The following ATP2B2 variants were observed in gnomAD, a reference collection of about 807,000 sequenced individuals.
The protein encoded by ATP2B2 is plasma membrane calcium-transporting ATPase 2.
In ATP2B2, 15 loss-of-function variants were observed where a neutral mutation model predicts 120.0. The observed-to-expected ratio is 0.12, with a 90% CI of 0.08 to 0.19. The LOEUF (loss-of-function observed/expected upper bound fraction) is 0.19. ATP2B2 is among the 10% of genes least tolerant of loss of function. The pLI is 1.00. For synonymous variants in ATP2B2, 694 were observed against 700.3 expected, an observed-to-expected ratio of 0.99 and a Z score of 0.14; for missense variants, 1,045 against 1,719.8, an observed-to-expected ratio of 0.61 and a Z score of 6.94.
intron 1 of ATP2B2, among the ~76,000 whole-genome samples, chr3:10,463,426 T>C (rs1485341668): frequency 2.0e-5 from 3 of 152,246 alleles, no homozygotes; most frequent in African/African-American, 7.2e-5. Context: ...GAATAACTTA[T>C]GCCAAATGCA....
intron 1 of ATP2B2, among the ~76,000 whole-genome samples, chr3:10,640,014 C>A (rs1352961433): frequency 1.3e-5 from 2 of 152,080 alleles, no homozygotes; most frequent in Admixed American, 6.5e-5. Flanking sequence ...TGTTTTTGCA[C>A]TGAAAGTCTA....
intron 2 of ATP2B2, among the ~76,000 whole-genome samples, chr3:10,542,428 T>G (rs73028965): frequency 6.6e-6 from 1 of 152,186 alleles, no homozygotes; most frequent in East Asian, 1.9e-4. Context: ...ATATTTTTGC[T>G]TATCATGTTC....
chr3:10,614,751 CTT>C (rs1484294580), intron 2 of ATP2B2, among the ~76,000 whole-genome samples: 4 of 152,136 alleles, frequency 2.6e-5, no homozygotes, highest in African/African-American at 9.7e-5. Flanking sequence ...GCCCACAGGA[CTT>C]TATTTGGTTG....
rs1157630003 is a variant in ATP2B2 at position 10,379,390 on chromosome 3, G to A, written c.1001-106C>T. ...ACATTAATGTCACAGATGAAGGGCG[G>A]GCCGTGCTGACTGCATCCCTCTGTG... On this transcript the variant is annotated intron_variant, in intron 8 of 22. Transcript: ENST00000360273. 4.2e-5 allele frequency: 55 copies of A among 1,302,870 alleles called. No individual in the cohort carries two copies. In the Admixed American group the frequency reaches 9.4e-4, roughly 22 times the overall value. 80.7% of individuals were successfully genotyped at this position (1,302,870 alleles called of 1,614,324 possible). A position where few individuals can be genotyped will look rare whatever the true frequency, so the allele number is the denominator to read the frequency against.
At chr3:10,528,487 A>G (rs2067145725) in intron 3 of ATP2B2, among the ~76,000 whole-genome samples, 1 of 152,180 alleles carries the variant, frequency 6.6e-6, no homozygotes, top group South Asian at 2.1e-4. Context: ...TCATAGAGAA[A>G]CAGGAAGAAA....
At chr3:10,628,669 T>A (rs541702967) in intron 1 of ATP2B2, among the ~76,000 whole-genome samples, 28 of 152,354 alleles carry the variant, frequency 1.8e-4, no homozygotes, top group Non-Finnish European at 3.5e-4. Flanking sequence ...TCATAGCAAC[T>A]GCCACGGTGG....
intron 2 of ATP2B2, among the ~76,000 whole-genome samples, chr3:10,563,019 C>T (rs902099492): frequency 1.3e-5 from 2 of 152,142 alleles, no homozygotes; most frequent in Non-Finnish European, 1.5e-5. Flanking sequence ...TTCTGATTCC[C>T]TAGTTAATTT....
At chr3:10,489,382 G>A (rs376424522) in intron 1 of ATP2B2, among the ~76,000 whole-genome samples, 54 of 152,334 alleles carry the variant, frequency 3.5e-4, no homozygotes, top group East Asian at 9.6e-4. Flanking sequence ...CCCAGACAGC[G>A]TTTGCTAAAT....
chr3:10,449,312 C>G (rs773124454), intron 2 of ATP2B2, 33 bp downstream of exon 2: 77 of 1,613,270 alleles, frequency 4.8e-5, no homozygotes, highest in Non-Finnish European at 6.4e-5. Flanking sequence ...GCCACCTAGG[C>G]TGCAGCCCTG....
chr3:10,410,589 G>C, intron 3 of ATP2B2, 29 bp downstream of exon 3: 1 of 1,577,422 alleles, frequency 6.3e-7, no homozygotes, highest in Non-Finnish European at 8.6e-7. Context: ...GGTGTGCGGG[G>C]CGGTTCGTGG....
chr3:10,508,138 A>G (rs573910186), upstream of ATP2B2, among the ~76,000 whole-genome samples: 1 of 152,228 alleles, frequency 6.6e-6, no homozygotes, highest in South Asian at 2.1e-4. Flanking sequence ...CATCTCCTTG[A>G]CATTCCAGAT....
chr3:10,469,684 C>T (rs566265471), intron 1 of ATP2B2, among the ~76,000 whole-genome samples: 5 of 152,320 alleles, frequency 3.3e-5, no homozygotes, highest in Non-Finnish European at 5.9e-5. Flanking sequence ...AGCCTGACCA[C>T]GTGCTCCATC....
intron 2 of ATP2B2, among the ~76,000 whole-genome samples, chr3:10,566,863 T>G (rs1476943518): frequency 6.6e-6 from 1 of 152,170 alleles, no homozygotes; most frequent in African/African-American, 2.4e-5. Context: ...TTCCTGGAAA[T>G]TTCAGGATAT....
chr3:10,569,142 G>A (rs116788223), intron 2 of ATP2B2, among the ~76,000 whole-genome samples: 6 of 152,280 alleles, frequency 3.9e-5, no homozygotes, highest in South Asian at 2.1e-4. Flanking sequence ...AGAGCCAAGC[G>A]TCAAGTCCTT....
chr3:10,659,127 C>T (rs1204969527), intron 1 of ATP2B2, among the ~76,000 whole-genome samples: 1 of 152,120 alleles, frequency 6.6e-6, no homozygotes, highest in African/African-American at 2.4e-5. Flanking sequence ...CTGGTTCCAG[C>T]CACTGCAAAA....
intron 1 of ATP2B2, among the ~76,000 whole-genome samples, chr3:10,705,922 C>CA (rs1370348135): frequency 2.0e-5 from 3 of 152,184 alleles, no homozygotes; most frequent in African/African-American, 7.2e-5. Context: ...GTTTGGATGA[C>CA]AAACTATATA....
chr3:10,386,261 G>A (rs2061675921), intron 7 of ATP2B2, among the ~76,000 whole-genome samples: 1 of 152,146 alleles, frequency 6.6e-6, no homozygotes, highest in African/African-American at 2.4e-5. Flanking sequence ...TTGGCTGGTA[G>A]GGTGAGGCAC....
chr3:10,377,423 T>C (rs2061411860), intron 10 of ATP2B2, among the ~76,000 whole-genome samples: 1 of 152,226 alleles, frequency 6.6e-6, no homozygotes, highest in Admixed American at 6.5e-5. Context: ...TTCCCCATGC[T>C]GTGGTGTCTA....
At chr3:10,433,630 T>C (rs947572636) in intron 2 of ATP2B2, among the ~76,000 whole-genome samples, 5 of 152,124 alleles carry the variant, frequency 3.3e-5, no homozygotes, top group African/African-American at 1.2e-4. Context: ...CCATGAAGGT[T>C]ATAGGGTCTT....
Sources: allele counts gnomAD v4.1 joint callset (sites outside exome capture counted in the v4.1 genomes callset), GRCh38; gene constraint gnomAD v4.1.1; transcripts MANE v1.5; gene names NCBI Gene and HGNC (gene_info 2026-07-23, HGNC 2026-07-21).